TRPM2: variants seen among roughly 807,000 people sequenced by gnomAD.
The protein encoded by TRPM2 is transient receptor potential cation channel subfamily M member 2.
In TRPM2, 161 loss-of-function variants were observed where a neutral mutation model predicts 174.0. The observed-to-expected ratio is 0.93, with a 90% CI of 0.81 to 1.05. The LOEUF is 1.05. TRPM2 is among the 50% of genes least tolerant of loss of function. The pLI is 0.00. For synonymous variants in TRPM2, 954 were observed against 861.3 expected (o/e 1.11, Z -1.88); for missense variants, 2,057 against 2,038.0 (o/e 1.01, Z -0.18).
At chr21:44,356,127 C>T (rs1389983553) in intron 2 of TRPM2, among the ~76,000 whole-genome samples, 1 of 133,426 alleles carries the variant, frequency 7.5e-6, no homozygotes, top group Non-Finnish European at 1.6e-5. Flanking sequence ...GGTGATCCAC[C>T]CGCCTCGGCC....
intron 22 of TRPM2, among the ~76,000 whole-genome samples, chr21:44,421,330 A>T (rs1303464836): frequency 2.6e-5 from 4 of 151,824 alleles, no homozygotes; most frequent in Non-Finnish European, 4.4e-5. Context: ...AAAAAAAAAA[A>T]TTTAGTCCCA....
intron 16 of TRPM2, 60 bp downstream of exon 16, chr21:44,401,957 C>T (rs527380963): frequency 1.1e-5 from 18 of 1,585,906 alleles, no homozygotes; most frequent in Non-Finnish European, 4.3e-6. Context: ...GCTGCATTCT[C>T]ATAGGGGACC....
chr21:44,427,676 G>T (rs1488780766), intron 27 of TRPM2, among the ~76,000 whole-genome samples: 1 of 152,166 alleles, frequency 6.6e-6, no homozygotes, highest in African/African-American at 2.4e-5. Flanking sequence ...CCTGGGACTG[G>T]GGGGTTGCCG....
chr21:44,433,276 G>T (rs986239225), intron 27 of TRPM2, among the ~76,000 whole-genome samples: 2 of 152,244 alleles, frequency 1.3e-5, no homozygotes, highest in African/African-American at 4.8e-5. Flanking sequence ...TCCTGTGGGG[G>T]TGGACTCATG....
At chr21:44,437,638 C>A (rs980194667) in intron 29 of TRPM2, among the ~76,000 whole-genome samples, 1 of 152,100 alleles carries the variant, frequency 6.6e-6, no homozygotes, top group African/African-American at 2.4e-5. Flanking sequence ...TAGGTAGGGC[C>A]CAGGGTTGTG....
chr21:44,364,430 C>T (rs903196045), intron 3 of TRPM2, 148 bp downstream of exon 3: 11 of 928,742 alleles, frequency 1.2e-5, no homozygotes, highest in East Asian at 2.6e-5. Context: ...AGGGAAGCGG[C>T]GGGGAGGGGC....
At chr21:44,388,650 C>CAAAAAAA (rs60322957) in intron 9 of TRPM2, among the ~76,000 whole-genome samples, 3 of 82,990 alleles carry the variant, frequency 3.6e-5, no homozygotes, top group Non-Finnish European at 7.8e-5. Flanking sequence ...CCTGTCACTA[C>CAAAAAAA]AAAAAAAAAA....
At chr21:44,418,604 C>T (rs1317527661) in intron 22 of TRPM2, 49 bp downstream of exon 22, 2 of 1,605,828 alleles carry the variant, frequency 1.2e-6, no homozygotes, top group Non-Finnish European at 1.7e-6. Context: ...TGGGGGACCT[C>T]CTGCAGGTCC....
intron 25 of TRPM2, 57 bp downstream of exon 25, chr21:44,425,884 G>A: frequency 6.8e-7 from 1 of 1,467,510 alleles, no homozygotes; most frequent in Non-Finnish European, 9.1e-7. Flanking sequence ...GGGAGGGGAG[G>A]GCGGCCCTGT....
intron 7 of TRPM2, among the ~76,000 whole-genome samples, chr21:44,378,273 C>T (rs1265472321): frequency 1.3e-5 from 2 of 152,216 alleles, no homozygotes; most frequent in Admixed American, 6.5e-5. Flanking sequence ...TGCTTTGTGG[C>T]GTGCAGGGTG....
At chr21:44,385,774 C>T (rs1330534966) in intron 9 of TRPM2, among the ~76,000 whole-genome samples, 1 of 152,196 alleles carries the variant, frequency 6.6e-6, no homozygotes, top group Non-Finnish European at 1.5e-5. Context: ...AAGAAAGGCA[C>T]TGTCTTCACA....
rs118181565 is a variant in TRPM2, at chr21:44,354,949, G to A, written c.254+213G>A. ...TTGACCCTCATCCTGCCTCGCAGGTGCAGGGACCAAAGTGCAGAGTTTAGG... is the reference window on the plus strand; with the variant it reads ...TTGACCCTCATCCTGCCTCGCAGGTACAGGGACCAAAGTGCAGAGTTTAGG... On this transcript the variant is annotated intron_variant, in intron 2 of 31. Transcript: ENST00000397928. The surrounding 1 kb of genome is among the most constrained non-coding windows in gnomAD (Gnocchi z 4.3). Among the ~76,000 whole-genome samples, 1,114 of 152,182 alleles carry A rather than the reference G, an allele frequency of 7.3e-3. 7 individuals are homozygous for A. The highest frequency in any genetic ancestry group is 0.011 in the Non-Finnish European group (762 of 68,028).
At chr21:44,388,684 G>A (rs947680752) in intron 9 of TRPM2, among the ~76,000 whole-genome samples, 9 of 150,226 alleles carry the variant, frequency 6.0e-5, no homozygotes, top group African/African-American at 2.2e-4. Context: ...AGTCAGGCAT[G>A]GTAGCACACA....
At chr21:44,384,631 A>G (rs531166575) in intron 9 of TRPM2, among the ~76,000 whole-genome samples, 1 of 152,318 alleles carries the variant, frequency 6.6e-6, no homozygotes, top group East Asian at 1.9e-4. Context: ...CCACCTCCCA[A>G]CATTATTATA....
intron 2 of TRPM2, among the ~76,000 whole-genome samples, chr21:44,359,096 C>G (rs2048138951): frequency 6.6e-6 from 1 of 151,938 alleles, no homozygotes; most frequent in Non-Finnish European, 1.5e-5. Flanking sequence ...GTCCATTTTA[C>G]AGTGTGCTGA....
chr21:44,398,432 C>T (rs1457514102), intron 13 of TRPM2, among the ~76,000 whole-genome samples: 1 of 152,078 alleles, frequency 6.6e-6, no homozygotes, highest in Non-Finnish European at 1.5e-5. Flanking sequence ...AACTCCTAAC[C>T]TCAGATGATC....
rs866947679 is a variant in TRPM2, at chr21:44,364,226, C to T, written c.367C>T (p.Pro123Ser). ...WDPKKHVQEM[P>S]TDAFGDIVFT... ...CCCAAAGAAACATGTCCAGGAGATG[C>T]CAACCGATGCCTTTGGCGACATCGT... The change falls in exon 3 of 32, where the codon CCA becomes TCA. Residue 123 changes from proline (P) to serine (S), a missense_variant. Transcript: ENST00000397928. 6.2e-7 allele frequency: 1 copy of T among 1,614,226 alleles called. No homozygotes were observed.
intron 2 of TRPM2, among the ~76,000 whole-genome samples, chr21:44,359,723 A>G (rs1015863987): frequency 2.7e-5 from 4 of 148,678 alleles, no homozygotes; most frequent in South Asian, 2.1e-4. Context: ...TCATCTGTGT[A>G]TATATATACA....
At chr21:44,436,944 T>C in intron 28 of TRPM2, 118 bp from the exon 29 acceptor site, 1 of 793,700 alleles carries the variant, frequency 1.3e-6, no homozygotes, top group Non-Finnish European at 2.0e-6. Context: ...AAGAACACGG[T>C]TTGAGCCTGC....
Sources: gnomAD v4.1 joint callset for allele counts (sites outside exome capture counted in the v4.1 genomes callset) on GRCh38, gnomAD v4.1.1 for gene constraint, Gnocchi (gnomAD v3.1) non-coding constraint, MANE v1.5 for transcripts, NCBI Gene and HGNC (gene_info 2026-07-23, HGNC 2026-07-21) for gene names.